SMAD2: variants seen among roughly 807,000 people sequenced by gnomAD.
SMAD2 encodes MAD homolog 2.
A neutral mutation model predicts 64.4 loss-of-function variants in SMAD2; 8 were observed. The observed-to-expected ratio is 0.12, with a 90% CI of 0.07 to 0.22. The LOEUF is 0.22. SMAD2 is among the 10% of genes least tolerant of loss of function. The pLI, the probability that SMAD2 is intolerant of heterozygous loss-of-function variation, is 1.00. For synonymous variants in SMAD2, 203 were observed against 195.8 expected (o/e 1.04, Z -0.31); for missense variants, 289 against 561.2 (o/e 0.51, Z 4.90).
intron 1 of SMAD2, among the ~76,000 whole-genome samples, chr18:47,909,757 A>C (rs370983627): frequency 1.3e-5 from 2 of 152,182 alleles, no homozygotes; most frequent in Non-Finnish European, 2.9e-5. Context: ...CCCTGAAGTC[A>C]AGTACCCTGC....
At position 47,904,049 on chromosome 18, in the gene SMAD2, T is replaced by C. The variant is rs144100859; in HGVS notation, c.-53-7240A>G. On this transcript the variant is annotated intron_variant, in intron 1 of 10. Coordinates refer to ENST00000262160, the MANE Select transcript of SMAD2 (RefSeq NM_005901.6). ...CACATATGGAAAGAAAACACATTCA[T>C]GGTCAACCTGCTGAATATTAAAGAT... Among the ~76,000 whole-genome samples the C allele has an allele frequency of 4.4e-3, 673 of 152,002 alleles. 5 individuals are homozygous for C. Among genetic ancestry groups the C allele is most frequent in the African/African-American group, 0.016 (643 of 41,452 alleles).
At position 47,865,141 on chromosome 18, in the gene SMAD2, A is replaced by T; in HGVS notation, c.656-8T>A. The T allele has an allele frequency of 6.4e-7, 1 of 1,563,648 alleles. No homozygotes were observed. The highest frequency in any genetic ancestry group is 8.8e-7 in the Non-Finnish European group (1 of 1,134,464). ...ATCCAGGAGGTGGCGTTTCTACAAA[A>T]GTTTAAAACAAATCAAGCACAGCTG... On this transcript the variant is annotated splice_polypyrimidine_tract_variant and splice_region_variant and intron_variant, in intron 5 of 10. Coordinates refer to ENST00000262160, the MANE Select transcript of SMAD2 (RefSeq NM_005901.6).
At chr18:47,891,738 A>C (rs1323026655) in intron 2 of SMAD2, among the ~76,000 whole-genome samples, 1 of 152,126 alleles carries the variant, frequency 6.6e-6, no homozygotes, top group East Asian at 1.9e-4. Flanking sequence ...TACAAATATC[A>C]GAATGCTAAA....
rs200836242 is a variant in SMAD2, at chr18:47,852,088, CAT to C, written c.731-763_731-762del. The stretch of plus-strand genomic sequence containing the variant: ...AGTTTTAATTTTGAGTAGCTTTACA[CAT>C]GTTTATATTATATTTCCTTCCTGTG... On this transcript the variant is annotated intron_variant, in intron 6 of 10. Coordinates refer to ENST00000262160, the MANE Select transcript of SMAD2 (RefSeq NM_005901.6). Among the ~76,000 whole-genome samples, 580 of 152,228 alleles carry C rather than the reference CAT, an allele frequency of 3.8e-3. 1 individual carries two copies. The highest frequency in any genetic ancestry group is 7.1e-3 in the African/African-American group (297 of 41,540).
intron 2 of SMAD2, among the ~76,000 whole-genome samples, chr18:47,889,201 A>G (rs2033063337): frequency 6.6e-6 from 1 of 152,190 alleles, no homozygotes; most frequent in Non-Finnish European, 1.5e-5. Flanking sequence ...AAGATATCCT[A>G]AACTGCTGTT....
chr18:47,850,708 C>T lies in SMAD2; in HGVS notation c.784+566G>A, dbSNP rs546493409. ...TATAATGTATAATATATATTATATACTATATATATATTATATATATTATGT... is the reference window on the plus strand; with the variant it reads ...TATAATGTATAATATATATTATATATTATATATATATTATATATATTATGT... On this transcript the variant is annotated intron_variant, in intron 7 of 10. Transcript: ENST00000262160. 4.6e-3 allele frequency among the ~76,000 whole-genome samples: 51 copies of T among 11,048 alleles called. 12 individuals are homozygous for T. Among genetic ancestry groups the T allele is most frequent in the Non-Finnish European group, 6.0e-3 (42 of 6,994 alleles). The allele number at this position is 11,048 out of a possible 152,430, so 7.2% of individuals were successfully genotyped here.
Position 47,841,637 on chromosome 18 carries a change from A to G in SMAD2, c.*190T>C. 1 of 634,160 alleles carries G rather than the reference A, an allele frequency of 1.6e-6. No homozygotes were observed. The highest frequency in any genetic ancestry group is 2.8e-6 in the Non-Finnish European group (1 of 356,710). The allele number at this position is 634,160 out of a possible 1,614,324, so 39.3% of individuals were successfully genotyped here. A position where few individuals can be genotyped will look rare whatever the true frequency, so the allele number is the denominator to read the frequency against. On this transcript the variant is annotated 3_prime_UTR_variant, in exon 11 of 11. Transcript: ENST00000262160. ...CTCTTTAATGGGAGAGTATTTCTAG[A>G]CACTAATTTTCCCATCTAATATTCA...
chr18:47,872,155 C>T (rs1247336940), intron 2 of SMAD2, among the ~76,000 whole-genome samples: 2 of 152,200 alleles, frequency 1.3e-5, no homozygotes, highest in Non-Finnish European at 2.9e-5. Context: ...AATTCGGCCA[C>T]TTTCCAACTG....
intron 1 of SMAD2, among the ~76,000 whole-genome samples, chr18:47,903,876 T>TGGGG (rs61222491): frequency 6.1e-5 from 3 of 49,064 alleles, no homozygotes; most frequent in African/African-American, 8.2e-5. Flanking sequence ...AAAAACAGTG[T>TGGGG]GGGGGGGGGG....
In SMAD2 at chr18:47,837,878, G is replaced by A. The variant is rs886187138; in HGVS notation, c.*3949C>T. 1.9e-4 allele frequency: 45 copies of A among 232,838 alleles called. No homozygotes were observed. The highest frequency in any genetic ancestry group is 9.6e-4 in the Admixed American group (17 of 17,774). 14.4% of individuals were successfully genotyped at this position (232,838 alleles called of 1,614,324 possible). ...AGCTTTTAAAGTAAAGACTGTACAT[G>A]AAGACATATTTTATGTACAGTGAAG... On this transcript the variant is annotated 3_prime_UTR_variant, in exon 11 of 11. Coordinates refer to ENST00000262160, the MANE Select transcript of SMAD2 (RefSeq NM_005901.6).
At chr18:47,845,247 G>A (rs751752504) in intron 10 of SMAD2, 93 bp downstream of exon 10, 2 of 1,289,746 alleles carry the variant, frequency 1.6e-6, no homozygotes, top group Non-Finnish European at 2.2e-6. Context: ...TAACCTCATT[G>A]AAAATAGATA....
intron 1 of SMAD2, among the ~76,000 whole-genome samples, chr18:47,915,683 T>A (rs567090040): frequency 6.6e-6 from 1 of 152,178 alleles, no homozygotes; most frequent in Admixed American, 6.5e-5. Flanking sequence ...TTCTCTAAAC[T>A]GAGGGTCGCG....
chr18:47,826,463 G>A lies in SMAD2; in HGVS notation c.*15364C>T, dbSNP rs188756029. On this transcript the variant is annotated 3_prime_UTR_variant, in exon 11 of 11. Transcript: ENST00000262160. ...AGCATGAAGCATGCAGACATGAAAG[G>A]GAGTTATGGGATTGGGCTTGGCTGT... 1 of 152,334 alleles carries A rather than the reference G, an allele frequency of 6.6e-6. No individual in the cohort carries two copies. Among genetic ancestry groups the A allele is most frequent in the Admixed American group, 6.5e-5 (1 of 15,300 alleles). 9.4% of individuals were successfully genotyped at this position (152,334 alleles called of 1,614,324 possible).
chr18:47,905,197 A>C (rs2033853599), intron 1 of SMAD2, among the ~76,000 whole-genome samples: 1 of 152,218 alleles, frequency 6.6e-6, no homozygotes, highest in African/African-American at 2.4e-5. Flanking sequence ...TTGGAAAATG[A>C]AATTTCAAGA....
chr18:47,851,935 G>C (rs1479063056), intron 6 of SMAD2, among the ~76,000 whole-genome samples: 1 of 152,106 alleles, frequency 6.6e-6, no homozygotes, highest in Admixed American at 6.5e-5. Context: ...TTGTGTATTT[G>C]CAATTTTGAT....
At chr18:47,851,809 A>G (rs866339686) in intron 6 of SMAD2, among the ~76,000 whole-genome samples, 1 of 152,162 alleles carries the variant, frequency 6.6e-6, no homozygotes, top group East Asian at 1.9e-4. Context: ...GCTATTTTCA[A>G]TCTTTTGCTA....
chr18:47,897,249 C>T (rs3813069), intron 1 of SMAD2, among the ~76,000 whole-genome samples: 1 of 152,026 alleles, frequency 6.6e-6, no homozygotes, highest in Non-Finnish European at 1.5e-5. Flanking sequence ...TAATAGGAGG[C>T]AAAATCTACA....
rs1181206487 is a variant in SMAD2, at chr18:47,841,801, T to C, written c.*26A>G. 6.2e-7 allele frequency: 1 copy of C among 1,613,824 alleles called. No individual in the cohort carries two copies. The highest frequency in any genetic ancestry group is 1.7e-5 in the Admixed American group (1 of 60,010). On this transcript the variant is annotated 3_prime_UTR_variant, in exon 11 of 11. Coordinates refer to ENST00000262160, the MANE Select transcript of SMAD2 (RefSeq NM_005901.6). ...ACAGAAGAGTTGTTACATTAAGTCT[T>C]TTCATGGGACTTGATTGGTGAAGCT... is the stretch of plus-strand genomic sequence containing the variant.
rs1391023795 is a variant in SMAD2 at position 47,829,012 on chromosome 18, A to G, written c.*12815T>C. 1.3e-5 allele frequency: 2 copies of G among 149,846 alleles called. No individual in the cohort carries two copies. The highest frequency in any genetic ancestry group is 1.5e-5 in the Non-Finnish European group (1 of 67,496). 9.3% of individuals were successfully genotyped at this position (149,846 alleles called of 1,614,324 possible). A position where few individuals can be genotyped will look rare whatever the true frequency, so the allele number is the denominator to read the frequency against. On this transcript the variant is annotated 3_prime_UTR_variant, in exon 11 of 11. Coordinates refer to ENST00000262160, the MANE Select transcript of SMAD2 (RefSeq NM_005901.6). ...AGACTGTGCTATTATGGGGTGGAGA[A>G]AAGTATCACAATTTTGGTAATACTA...
Sources: allele counts gnomAD v4.1 joint callset (sites outside exome capture counted in the v4.1 genomes callset), GRCh38; gene constraint gnomAD v4.1.1; transcripts MANE v1.5; gene names NCBI Gene and HGNC (gene_info 2026-07-23, HGNC 2026-07-21).